The following IL1RAPL1 variants were observed in gnomAD, a reference collection of about 807,000 sequenced individuals.
IL1RAPL1 encodes interleukin-1 receptor accessory protein-like 1.
A neutral mutation model predicts 48.4 loss-of-function variants in IL1RAPL1; 3 were observed. The observed-to-expected ratio is 0.06, with a 90% CI of 0.03 to 0.16. The LOEUF (loss-of-function observed/expected upper bound fraction) is 0.16, where lower values mean the gene tolerates loss of function less well. Among genes scored for constraint, IL1RAPL1 ranks in the 10% least tolerant of loss-of-function variants. The pLI is 1.00. For missense variants in IL1RAPL1, 349 were observed against 530.6 expected (o/e 0.66, Z 3.36); for synonymous variants, 185 against 187.7 (o/e 0.99, Z 0.12).
At chrX:29,524,513 G>A (rs937496498) in intron 5 of IL1RAPL1, among the ~76,000 whole-genome samples, 1 of 110,839 alleles carries the variant, frequency 9.0e-6, no homozygotes, top group Non-Finnish European at 1.9e-5. Flanking sequence ...TCTGGTCATG[G>A]TAAATTTCAT....
At chrX:29,023,509 A>G (rs1926416804) in intron 2 of IL1RAPL1, among the ~76,000 whole-genome samples, 1 of 112,669 alleles carries the variant, frequency 8.9e-6, no homozygotes, top group South Asian at 3.6e-4. Flanking sequence ...TGCATCTGCA[A>G]ATAGGGAATA....
At chrX:29,773,651 C>G (rs1929122092) in intron 6 of IL1RAPL1, among the ~76,000 whole-genome samples, 1 of 111,710 alleles carries the variant, frequency 9.0e-6, no homozygotes, top group Admixed American at 9.5e-5. Context: ...AGCAAAATAA[C>G]AACGCAGACT....
intron 2 of IL1RAPL1, among the ~76,000 whole-genome samples, chrX:28,985,006 A>G (rs1569213553): frequency 8.9e-6 from 1 of 111,870 alleles, no homozygotes; most frequent in Non-Finnish European, 1.9e-5. Context: ...AAAATTGAAT[A>G]ATAAATATAA....
intron 2 of IL1RAPL1, among the ~76,000 whole-genome samples, chrX:29,241,295 G>A (rs1931418314): frequency 8.9e-6 from 1 of 112,042 alleles, no homozygotes. Context: ...CCATGATACA[G>A]TGATAAAAAT....
rs1458845807 is a variant in IL1RAPL1, at chrX:29,865,796, C to A, written c.779-51668C>A. Among the ~76,000 whole-genome samples the A allele has an allele frequency of 3.9e-5, 4 of 101,302 alleles. No homozygotes were observed. The South Asian group carries it at 2.0e-3, about 49-fold the overall frequency. 88.0% of individuals were successfully genotyped at this position (101,302 alleles called of 115,157 possible). A position where few individuals can be genotyped will look rare whatever the true frequency, so the allele number is the denominator to read the frequency against. ...GGATTACAGGTGCACGCCACCACGC[C>A]TGGCTAATTTTTTTTTTTTTTTTTT... On this transcript the variant is annotated intron_variant, in intron 6 of 10. Coordinates refer to ENST00000378993, the MANE Select transcript of IL1RAPL1 (RefSeq NM_014271.4).
intron 3 of IL1RAPL1, among the ~76,000 whole-genome samples, chrX:29,380,546 G>T (rs2147673479): frequency 8.9e-6 from 1 of 111,992 alleles, no homozygotes; most frequent in Non-Finnish European, 1.9e-5. Flanking sequence ...GGCTTGTATT[G>T]GTCCAATTCC....
chrX:29,695,495 C>A (rs1321404758), intron 6 of IL1RAPL1, among the ~76,000 whole-genome samples: 1 of 110,012 alleles, frequency 9.1e-6, no homozygotes, highest in Non-Finnish European at 1.9e-5. Context: ...GTTCTGGGGG[C>A]TAGATGTCTG....
At chrX:29,698,808 A>G (rs1351251194) in intron 6 of IL1RAPL1, among the ~76,000 whole-genome samples, 1 of 112,457 alleles carries the variant, frequency 8.9e-6, no homozygotes, top group African/African-American at 3.2e-5. Flanking sequence ...AAGGAAGAAT[A>G]GAAGTTAGAA....
At chrX:28,729,358 C>A (rs186275596) in intron 1 of IL1RAPL1, among the ~76,000 whole-genome samples, 1 of 110,826 alleles carries the variant, frequency 9.0e-6, no homozygotes, top group Admixed American at 9.8e-5. Flanking sequence ...TTGAAGAGTT[C>A]ATTAAATTAG....
chrX:29,485,813 C>T (rs1432546601), intron 5 of IL1RAPL1, among the ~76,000 whole-genome samples: 1 of 111,403 alleles, frequency 9.0e-6, no homozygotes, highest in Non-Finnish European at 1.9e-5. Context: ...AGTCATCAAG[C>T]ATTTAGTTCT....
intron 5 of IL1RAPL1, among the ~76,000 whole-genome samples, chrX:29,636,818 C>A: frequency 9.0e-6 from 1 of 111,547 alleles, no homozygotes. Flanking sequence ...GTGGGTGGAT[C>A]ACCTGAGGTC....
At chrX:29,838,226 A>G (rs1402113969) in intron 6 of IL1RAPL1, among the ~76,000 whole-genome samples, 3 of 112,008 alleles carry the variant, frequency 2.7e-5, no homozygotes, top group Non-Finnish European at 5.6e-5. Context: ...TCATACTTCC[A>G]TTTCCATTGT....
rs1013424389 is a variant in IL1RAPL1 at position 28,728,661 on chromosome X, A to T, written c.-24-60659A>T. ...AATATTCTGTAATATTTGCAGAAAA[A>T]CATAAACACAGCATCTTTACTAATG... On this transcript the variant is annotated intron_variant, in intron 1 of 10. Transcript: ENST00000378993. 2.7e-5 allele frequency among the ~76,000 whole-genome samples: 3 copies of T among 112,113 alleles called. No homozygotes were observed. The Admixed American group carries it at 2.9e-4, about 11-fold the overall frequency.
chrX:29,107,985 GC>G (rs1928482276), intron 2 of IL1RAPL1, among the ~76,000 whole-genome samples: 1 of 111,600 alleles, frequency 9.0e-6, no homozygotes, highest in Admixed American at 9.5e-5. Flanking sequence ...TAGGTGGACA[GC>G]TCCCTGTTTC....
rs754996544 is a variant in IL1RAPL1 at position 29,236,545 on chromosome X, C to CTTTTTTTTTTTTTTTTTTTTTT, written c.83-46389_83-46368dup. Among the ~76,000 whole-genome samples the CTTTTTTTTTTTTTTTTTTTTTT allele has an allele frequency of 1.4e-3, 88 of 63,190 alleles. 2 individuals carry two copies. Among genetic ancestry groups the CTTTTTTTTTTTTTTTTTTTTTT allele is most frequent in the African/African-American group, 3.2e-3 (48 of 14,892 alleles). 54.9% of individuals were successfully genotyped at this position (63,190 alleles called of 115,157 possible). Reference sequence around the variant, plus strand: ...TTTTCCTTTCTTTTTCTTTTTTTTTCTTTTTTTTTTTTTTTTTTTTTTTTT... The same window carrying CTTTTTTTTTTTTTTTTTTTTTT: ...TTTTCCTTTCTTTTTCTTTTTTTTTCTTTTTTTTTTTTTTTTTTTTTTTTTTTTTTTTTTTTTTTTTTTTTTT... On this transcript the variant is annotated intron_variant, in intron 2 of 10. Coordinates refer to ENST00000378993, the MANE Select transcript of IL1RAPL1 (RefSeq NM_014271.4).
intron 3 of IL1RAPL1, among the ~76,000 whole-genome samples, chrX:29,316,123 C>T (rs776980383): frequency 1.8e-5 from 2 of 112,298 alleles, no homozygotes; most frequent in African/African-American, 6.5e-5. Context: ...AACATTTTAA[C>T]AGTCTCCTCC....
intron 6 of IL1RAPL1, among the ~76,000 whole-genome samples, chrX:29,779,892 C>T (rs181776856): frequency 6.3e-4 from 70 of 110,685 alleles, no homozygotes; most frequent in African/African-American, 2.2e-3. Flanking sequence ...TGCCTTTTAG[C>T]GGGCATTACT....
intron 3 of IL1RAPL1, among the ~76,000 whole-genome samples, chrX:29,348,614 A>G (rs994398007): frequency 4.5e-5 from 5 of 111,636 alleles, no homozygotes; most frequent in Admixed American, 2.9e-4. Flanking sequence ...GCCCATAATG[A>G]CTGCTTTCCT....
intron 2 of IL1RAPL1, among the ~76,000 whole-genome samples, chrX:28,956,008 G>A (rs1449392595): frequency 9.5e-6 from 1 of 104,831 alleles, no homozygotes; most frequent in Non-Finnish European, 1.9e-5. Context: ...TGGATTCCTA[G>A]GTATTTTATT....
Sources: allele counts gnomAD v4.1 joint callset (sites outside exome capture counted in the v4.1 genomes callset), GRCh38; gene constraint gnomAD v4.1.1; transcripts MANE v1.5; gene names NCBI Gene and HGNC (gene_info 2026-07-23, HGNC 2026-07-21).